Variants in SEC14L6 observed in about 807,000 individuals in gnomAD.
SEC14L6 encodes the protein SEC14 like lipid binding 6, also known as SEC14-like protein 6.
Under a neutral mutation model 54.1 loss-of-function variants are expected in SEC14L6, and 40 were observed. That is an observed-to-expected ratio of 0.74 (90% CI 0.57 to 0.96). The LOEUF is 0.96. SEC14L6 is among the 40% of genes least tolerant of loss of function. SEC14L6 has a pLI of 0.00. For missense variants in SEC14L6, 471 were observed against 498.3 expected (o/e 0.95, Z 0.52); for synonymous variants, 171 against 198.4 (o/e 0.86, Z 1.16).
chr22:30,529,723 T>C (rs1478162634), intron 6 of SEC14L6, among the ~76,000 whole-genome samples: 1 of 152,112 alleles, frequency 6.6e-6, no homozygotes, highest in East Asian at 1.9e-4. Flanking sequence ...GGATTACAGG[T>C]GTGAGCCACC....
At position 30,524,867 on chromosome 22, in the gene SEC14L6, G is replaced by A; in HGVS notation, c.*130C>T. On this transcript the variant is annotated 3_prime_UTR_variant, in exon 12 of 12. Coordinates refer to ENST00000402034, the MANE Select transcript of SEC14L6 (RefSeq NM_001193336.4). ...TCCTGAGGAGTGGGCCAGCTGTGAT[G>A]CATAGGCTGTGACCTGCTGTTGTAG... is the stretch of plus-strand genomic sequence containing the variant. 1 of 645,802 alleles carries A rather than the reference G, an allele frequency of 1.5e-6. No individual in the cohort carries two copies. The highest frequency in any genetic ancestry group is 1.8e-5 in the South Asian group (1 of 56,596). The allele number at this position is 645,802 out of a possible 1,614,324, so 40.0% of individuals were successfully genotyped here.
At chr22:30,528,982 T>C in intron 8 of SEC14L6, 105 bp downstream of exon 8, 1 of 1,003,542 alleles carries the variant, frequency 1.0e-6, no homozygotes, top group Non-Finnish European at 1.5e-6. Context: ...TCAACACCAG[T>C]TGGGTGCCCT....
At chr22:30,527,975 T>G (rs1402578016) in intron 8 of SEC14L6, among the ~76,000 whole-genome samples, 1 of 152,016 alleles carries the variant, frequency 6.6e-6, no homozygotes, top group Non-Finnish European at 1.5e-5. Context: ...GAACCCATTT[T>G]TTTTTGGAAA....
rs1704138781 is a variant in SEC14L6, at chr22:30,523,609, C to T, written c.*1388G>A. ...CTGGCCTCGAGCAATCCACATGCCT[C>T]AGCCTCCCAAAGTGCTGGGATTACA... On this transcript the variant is annotated 3_prime_UTR_variant, in exon 12 of 12. Transcript: ENST00000402034. 6.6e-6 allele frequency: 1 copy of T among 152,286 alleles called. No homozygotes were observed. Among genetic ancestry groups the T allele is most frequent in the Non-Finnish European group, 1.5e-5 (1 of 68,098 alleles). The allele number at this position is 152,286 out of a possible 1,614,324, so 9.4% of individuals were successfully genotyped here.
intron 1 of SEC14L6, chr22:30,542,415 A>G (rs1450610494): frequency 2.3e-6 from 1 of 427,754 alleles, no homozygotes; most frequent in Non-Finnish European, 4.0e-6. Context: ...GTCGGCCGCA[A>G]CTTCCCCAGG....
chr22:30,541,552 A>T (rs955412697), intron 1 of SEC14L6, among the ~76,000 whole-genome samples: 10 of 152,186 alleles, frequency 6.6e-5, no homozygotes, highest in African/African-American at 2.4e-4. Flanking sequence ...CCAGCTACTC[A>T]GGACGCTGAG....
Position 30,546,659 on chromosome 22 carries a change from C to T in SEC14L6, c.24G>A (p.Leu8=). Residue 8 remains leucine (L), a synonymous_variant, in exon 1 of 12, where the codon CTG becomes CTA. Transcript: ENST00000402034. ...CCAGCGACTTCTCCTGCGATGGGCT[C>T]AGGTCACCCACTTGTCCACTCATGC... is the stretch of plus-strand genomic sequence containing the variant. MSGQVGD[L]SPSQEKSLAQ... 6.4e-7 allele frequency: 1 copy of T among 1,550,524 alleles called. No homozygotes were observed. The highest frequency in any genetic ancestry group is 8.7e-7 in the Non-Finnish European group (1 of 1,146,964).
At chr22:30,543,563 A>G in intron 1 of SEC14L6, 2 of 1,613,660 alleles carry the variant, frequency 1.2e-6, no homozygotes, top group African/African-American at 1.3e-5. Context: ...CTCACCTGCC[A>G]GGTGGAGCAT....
chr22:30,545,561 TTTGTTG>T (rs368479887), intron 1 of SEC14L6, among the ~76,000 whole-genome samples: 1 of 151,468 alleles, frequency 6.6e-6, no homozygotes, highest in African/African-American at 2.4e-5. Flanking sequence ...CACCCAGCTA[TTTGTTG>T]TTGTTGTTGT....
chr22:30,530,262 T>C (rs1007336541), intron 6 of SEC14L6, among the ~76,000 whole-genome samples: 14 of 151,812 alleles, frequency 9.2e-5, no homozygotes, highest in Admixed American at 2.6e-4. Context: ...ATACAAAAAT[T>C]AGTTGGGCGT....
In SEC14L6 at chr22:30,534,001, T is replaced by A. The variant is rs1445718548; in HGVS notation, c.169A>T (p.Arg57Trp). ...FDLQKSEDML[R>W]KHMEFRKQQD... ...GGGGGAGGTGTCAACCTCACCTTCC[T>A]CAGCATGTCCTCTGATTTCTGCAGG... Residue 57 changes from arginine to tryptophan, a missense_variant, in exon 3 of 12, where the codon AGG (arginine) becomes TGG (tryptophan). By Grantham distance (101) the Arg-to-Trp change is moderately radical (BLOSUM62 -3). Transcript: ENST00000402034. 1 of 1,550,660 alleles carries A rather than the reference T, an allele frequency of 6.4e-7. No individual in the cohort carries two copies. Among genetic ancestry groups the A allele is most frequent in the Non-Finnish European group, 8.7e-7 (1 of 1,147,010 alleles).
At chr22:30,534,849 A>C (rs766727224) in intron 2 of SEC14L6, among the ~76,000 whole-genome samples, 15 of 152,044 alleles carry the variant, frequency 9.9e-5, no homozygotes, top group Admixed American at 2.6e-4. Context: ...ACATAGTGAA[A>C]TCTCGTCTGT....
intron 1 of SEC14L6, chr22:30,543,568 G>A (rs2085761183): frequency 1.2e-6 from 2 of 1,613,544 alleles, no homozygotes; most frequent in African/African-American, 2.7e-5. Context: ...CTGCCAGGTG[G>A]AGCATGACGG....
chr22:30,542,564 C>G (rs1568976073), intron 1 of SEC14L6: 1 of 1,397,780 alleles, frequency 7.2e-7, no homozygotes, highest in Admixed American at 3.1e-5. Context: ...GGCGGCGTAG[C>G]CGCGGCCCAT....
chr22:30,543,398 A>G, intron 1 of SEC14L6: 1 of 1,601,334 alleles, frequency 6.2e-7, no homozygotes, highest in Non-Finnish European at 8.6e-7. Flanking sequence ...CAGGTGACGA[A>G]ATTCTACCCC....
At chr22:30,537,614 A>T (rs2085623190) in intron 2 of SEC14L6, among the ~76,000 whole-genome samples, 2 of 152,328 alleles carry the variant, frequency 1.3e-5, no homozygotes, top group South Asian at 4.1e-4. Context: ...AGAGAGAGCG[A>T]GCGAGCAAGC....
chr22:30,543,447 GT>G (rs1165416334), intron 1 of SEC14L6: 103 of 1,611,788 alleles, frequency 6.4e-5, no homozygotes, highest in Non-Finnish European at 8.7e-5. Context: ...ACGGCAATGT[GT>G]CCCGGACAGA....
At chr22:30,542,433 A>G (rs1440023395) in intron 1 of SEC14L6, 1 of 462,568 alleles carries the variant, frequency 2.2e-6, no homozygotes, top group Non-Finnish European at 3.7e-6. Flanking sequence ...AGGCCACCTT[A>G]AGAGGACGAT....
chr22:30,533,785 T>C (rs1242166377), intron 3 of SEC14L6, among the ~76,000 whole-genome samples: 1 of 152,154 alleles, frequency 6.6e-6, no homozygotes, highest in Non-Finnish European at 1.5e-5. Flanking sequence ...TTCTCAGGAA[T>C]TGTCTTCTTT....
Sources: allele counts gnomAD v4.1 joint callset (sites outside exome capture counted in the v4.1 genomes callset), GRCh38; gene constraint gnomAD v4.1.1; transcripts MANE v1.5; gene names NCBI Gene and HGNC (gene_info 2026-07-23, HGNC 2026-07-21).